The following PCDHGB6 variants were observed in gnomAD, a reference collection of about 807,000 sequenced individuals.
PCDHGB6 encodes the protein protocadherin gamma subfamily B, 6.
PCDHGB6 carries 51 observed loss-of-function variants against 59.1 expected under a neutral mutation model. That is an observed-to-expected ratio of 0.86 (90% confidence interval 0.69 to 1.09). PCDHGB6 has a LOEUF of 1.09. Among genes scored for constraint, PCDHGB6 ranks in the 50% least tolerant of loss-of-function variants. The probability of loss-of-function intolerance (pLI) is 0.00; values close to 1 mark genes in which losing one functional copy is unlikely to be tolerated. For missense variants in PCDHGB6, 1,148 were observed against 1,205.1 expected (o/e 0.95, Z 0.70); for synonymous variants, 466 against 495.1 (o/e 0.94, Z 0.78).
chr5:141,483,444 T>C (rs956913442), intron 1 of PCDHGB6, among the ~76,000 whole-genome samples: 1 of 152,108 alleles, frequency 6.6e-6, no homozygotes, highest in African/African-American at 2.4e-5. Context: ...TACAATAAAA[T>C]CATCAGGACT....
At chr5:141,420,245 G>A (rs72790042) in intron 1 of PCDHGB6, 83,459 of 1,583,130 alleles carry the variant, frequency 0.053, 2,452 homozygotes, top group African/African-American at 0.1. Context: ...AACTCCCAGC[G>A]TTGAAGCAGA....
rs374140638 is a variant in PCDHGB6 at position 141,487,759 on chromosome 5, C to T, written c.2419-7048C>T. ...TTGTAAGAGGTAACTATGTGGTAGA[C>T]GCTGTGCTTTGTAACTGTTTCGTGA... On this transcript the variant is annotated intron_variant, in intron 1 of 3. Transcript: ENST00000520790. The surrounding 1 kb of genome is among the most constrained non-coding windows in gnomAD (Gnocchi z 5.0). 45 of 1,546,278 alleles carry T rather than the reference C, an allele frequency of 2.9e-5. No individual in the cohort carries two copies. The highest frequency in any genetic ancestry group is 1.1e-4 in the African/African-American group (8 of 73,160).
chr5:141,460,961 ATGTGTGTG>A (rs35821115), intron 1 of PCDHGB6, among the ~76,000 whole-genome samples: 11 of 144,552 alleles, frequency 7.6e-5, no homozygotes, highest in South Asian at 2.2e-4. Context: ...GTATATATAT[ATGTGTGTG>A]TGTGTGTGTG....
intron 2 of PCDHGB6, among the ~76,000 whole-genome samples, chr5:141,498,889 C>T (rs1415870992): frequency 3.4e-5 from 5 of 146,174 alleles, no homozygotes; most frequent in African/African-American, 1.3e-4. Flanking sequence ...GCTGAGATCA[C>T]ACCACTGCAC....
chr5:141,418,848 G>T (rs770294020), intron 1 of PCDHGB6: 1 of 1,613,954 alleles, frequency 6.2e-7, no homozygotes, highest in Non-Finnish European at 8.5e-7. Flanking sequence ...CTCTCAACAC[G>T]GTGTAAAGTA....
At chr5:141,509,650 T>C (rs1484029268) in intron 3 of PCDHGB6, among the ~76,000 whole-genome samples, 1 of 152,188 alleles carries the variant, frequency 6.6e-6, no homozygotes, top group African/African-American at 2.4e-5. Context: ...GGCCAGAGTG[T>C]GGACTTCTCT....
intron 1 of PCDHGB6, among the ~76,000 whole-genome samples, chr5:141,473,773 T>C (rs1473510505): frequency 6.6e-6 from 1 of 152,254 alleles, no homozygotes; most frequent in Non-Finnish European, 1.5e-5. Context: ...GGATTTGGTA[T>C]TTTAATTCAA....
intron 1 of PCDHGB6, chr5:141,412,079 T>C (rs148830663): frequency 3.3e-4 from 50 of 152,342 alleles, no homozygotes; most frequent in African/African-American, 1.1e-3. Context: ...GAACAATTGC[T>C]ACTGGGTTGA....
chr5:141,415,657 G>A, intron 1 of PCDHGB6: 1 of 1,576,236 alleles, frequency 6.3e-7, no homozygotes, highest in Non-Finnish European at 8.6e-7. Flanking sequence ...AAAAAAGATT[G>A]GTTTTTACTT....
At position 141,485,286 on chromosome 5, in the gene PCDHGB6, A is replaced by G; in HGVS notation, c.2419-9521A>G. The G allele has an allele frequency of 2.5e-6, 4 of 1,614,044 alleles. No individual in the cohort carries two copies. On this transcript the variant is annotated intron_variant, in intron 1 of 3. Transcript: ENST00000520790. This position sits in a 1 kb window ranked among gnomAD's most constrained non-coding sequence, Gnocchi z 5.7. ...CAGATCCGCTACCCGGTCCCAGAGG[A>G]GTCACAGGAAGGGACTTTTGTAGGG...
chr5:141,484,867 G>C lies in PCDHGB6; in HGVS notation c.2419-9940G>C, dbSNP rs573580017. The C allele has an allele frequency of 1.8e-5, 5 of 282,560 alleles. No homozygotes were observed. The Admixed American group carries it at 1.9e-4, about 11-fold the overall frequency. The allele number at this position is 282,560 out of a possible 1,614,324, so 17.5% of individuals were successfully genotyped here. A position where few individuals can be genotyped will look rare whatever the true frequency, so the allele number is the denominator to read the frequency against. ...TGGGTTTTTTGGGGGGTGGGGGAGC[G>C]TGGAGGATAGGGTGGGCTTTTTCCC... On this transcript the variant is annotated intron_variant, in intron 1 of 3. Coordinates refer to ENST00000520790, the MANE Select transcript of PCDHGB6 (RefSeq NM_018926.3).
In PCDHGB6 at chr5:141,432,184, C is replaced by G; in HGVS notation, c.2418+21564C>G. 1 of 1,614,164 alleles carries G rather than the reference C, an allele frequency of 6.2e-7. No individual in the cohort carries two copies. The highest frequency in any genetic ancestry group is 2.2e-5 in the East Asian group (1 of 44,872). On this transcript the variant is annotated intron_variant, in intron 1 of 3. Coordinates refer to ENST00000520790, the MANE Select transcript of PCDHGB6 (RefSeq NM_018926.3). This position sits in a 1 kb window ranked among gnomAD's most constrained non-coding sequence, Gnocchi z 6.0. Reference sequence around the variant, plus strand: ...GAGGAGTTTCCCTCGTCTCTGTGACCGCCCACGACCCCGACTGTGAAGAGA... The same window carrying G: ...GAGGAGTTTCCCTCGTCTCTGTGACGGCCCACGACCCCGACTGTGAAGAGA...
At chr5:141,437,650 A>G in intron 1 of PCDHGB6, among the ~76,000 whole-genome samples, 1 of 152,314 alleles carries the variant, frequency 6.6e-6, no homozygotes, top group Non-Finnish European at 1.5e-5. Context: ...AAAAGCAAAC[A>G]CATAGTTTCG....
At chr5:141,467,185 TG>T (rs1295935271) in intron 1 of PCDHGB6, among the ~76,000 whole-genome samples, 1 of 152,004 alleles carries the variant, frequency 6.6e-6, no homozygotes, top group African/African-American at 2.4e-5. Context: ...CCCAAGTAGC[TG>T]GGATTACAGG....
intron 1 of PCDHGB6, among the ~76,000 whole-genome samples, chr5:141,445,180 GT>G (rs745433969): frequency 6.6e-6 from 1 of 152,148 alleles, no homozygotes; most frequent in Non-Finnish European, 1.5e-5. Flanking sequence ...GAAAAACTAT[GT>G]TTTTATGTAT....
At chr5:141,451,468 C>G (rs2098716484) in intron 1 of PCDHGB6, among the ~76,000 whole-genome samples, 1 of 152,202 alleles carries the variant, frequency 6.6e-6, no homozygotes, top group South Asian at 2.1e-4. Context: ...AGGTCTACCT[C>G]AGTTCCTTGC....
chr5:141,451,532 G>T (rs1168984212), intron 1 of PCDHGB6, among the ~76,000 whole-genome samples: 1 of 152,180 alleles, frequency 6.6e-6, no homozygotes, highest in African/African-American at 2.4e-5. Flanking sequence ...AAAGGAGAGT[G>T]CCAGAGAGGG....
At chr5:141,484,878 G>C (rs2099602522) in intron 1 of PCDHGB6, 1 of 341,888 alleles carries the variant, frequency 2.9e-6, no homozygotes, top group Non-Finnish European at 5.3e-6. Flanking sequence ...TGGAGGATAG[G>C]GTGGGCTTTT....
In PCDHGB6 at chr5:141,454,484, G is replaced by A. The variant is rs555881095; in HGVS notation, c.2419-40323G>A. On this transcript the variant is annotated intron_variant, in intron 1 of 3. Transcript: ENST00000520790. The stretch of plus-strand genomic sequence containing the variant: ...TGCAATGGCATGATCTCAGCTCACC[G>A]CAACCTCCACCTCCTGGATTCAGGC... Among the ~76,000 whole-genome samples, 7 of 152,218 alleles carry A rather than the reference G, an allele frequency of 4.6e-5. No individual in the cohort carries two copies. In the East Asian group the frequency reaches 7.7e-4, roughly 17 times the overall value.
Sources: allele counts gnomAD v4.1 joint callset (sites outside exome capture counted in the v4.1 genomes callset), GRCh38; gene constraint gnomAD v4.1.1; non-coding constraint Gnocchi (gnomAD v3.1); transcripts MANE v1.5; gene names NCBI Gene and HGNC (gene_info 2026-07-23, HGNC 2026-07-21).